NEDD4: variants seen among roughly 807,000 people sequenced by gnomAD.
The protein encoded by NEDD4 is E3 ubiquitin-protein ligase NEDD4.
NEDD4 carries 99 observed loss-of-function variants against 144.9 expected under a neutral mutation model. The ratio of observed to expected loss-of-function variants is 0.68; its 90% CI spans 0.58 to 0.81. The LOEUF is 0.81. Among genes scored for constraint, NEDD4 ranks in the 30% least tolerant of loss-of-function variants. NEDD4 has a pLI of 0.00. For missense variants in NEDD4, 985 were observed against 1,065.9 expected (o/e 0.92, Z 1.06); for synonymous variants, 318 against 350.6 (o/e 0.91, Z 1.04).
chr15:55,882,519 C>T (rs1324256248), intron 5 of NEDD4, among the ~76,000 whole-genome samples: 1 of 152,196 alleles, frequency 6.6e-6, no homozygotes, highest in Non-Finnish European at 1.5e-5. Flanking sequence ...GTGGTTGGAG[C>T]TTGAGTTCTG....
chr15:55,992,720 ATTT>A (rs1269931208), intron 1 of NEDD4, among the ~76,000 whole-genome samples: 1 of 152,238 alleles, frequency 6.6e-6, no homozygotes, highest in Non-Finnish European at 1.5e-5. Context: ...GTCGTACAAT[ATTT>A]TTAATAAGCA....
intron 18 of NEDD4, among the ~76,000 whole-genome samples, chr15:55,844,954 T>G (rs1330804772): frequency 6.6e-6 from 1 of 152,122 alleles, no homozygotes; most frequent in African/African-American, 2.4e-5. Flanking sequence ...ATTACAGGCA[T>G]GAACCACTGC....
At chr15:55,886,350 C>T (rs1331506874) in intron 5 of NEDD4, among the ~76,000 whole-genome samples, 1 of 152,156 alleles carries the variant, frequency 6.6e-6, no homozygotes, top group Non-Finnish European at 1.5e-5. Flanking sequence ...CCAAATGGAC[C>T]TAATAAATGT....
At chr15:55,930,687 G>T (rs1429609065) in intron 4 of NEDD4, among the ~76,000 whole-genome samples, 1 of 152,156 alleles carries the variant, frequency 6.6e-6, no homozygotes, top group African/African-American at 2.4e-5. Flanking sequence ...AGGGCTAGGT[G>T]GAGATAATTG....
Position 55,840,634 on chromosome 15 carries a change from C to T in NEDD4, c.1932G>A (p.Met644Ile). ...CCAACAGTTTGCCATGATAAACTGC[C>T]ATTCCAGCTACCCGACCAATAAACT... ...YFKFIGRVAG[M>I]AVYHGKLLDG... The change falls in exon 20 of 29, where the codon ATG becomes ATA. Residue 644 changes from methionine to isoleucine, a missense_variant. Met to Ile is a conservative substitution (Grantham distance 10). Coordinates refer to ENST00000435532, the MANE Select transcript of NEDD4 (RefSeq NM_006154.4). 1 of 1,614,070 alleles carries T rather than the reference C, an allele frequency of 6.2e-7. No homozygotes were observed. The highest frequency in any genetic ancestry group is 8.5e-7 in the Non-Finnish European group (1 of 1,179,984).
chr15:55,973,059 C>T (rs748379995), intron 1 of NEDD4, among the ~76,000 whole-genome samples: 17 of 152,210 alleles, frequency 1.1e-4, no homozygotes, highest in South Asian at 2.1e-4. Flanking sequence ...ATCCCACTTT[C>T]GGCACTGGAT....
intron 26 of NEDD4, among the ~76,000 whole-genome samples, chr15:55,833,591 G>A (rs772769173): frequency 5.3e-5 from 8 of 152,206 alleles, no homozygotes; most frequent in Non-Finnish European, 7.3e-5. Flanking sequence ...AACATGGGAG[G>A]TGGAGGTGGC....
chr15:55,874,492 C>G (rs1466118379), intron 5 of NEDD4, among the ~76,000 whole-genome samples: 1 of 151,880 alleles, frequency 6.6e-6, no homozygotes. Flanking sequence ...AGAAACGTCC[C>G]AGAAAAAAAG....
intron 1 of NEDD4, among the ~76,000 whole-genome samples, chr15:55,980,816 T>G (rs1435414688): frequency 4.6e-5 from 7 of 151,796 alleles, no homozygotes; most frequent in African/African-American, 1.7e-4. Context: ...GTGTGTGTGT[T>G]ACATTTTTAC....
chr15:55,835,138 CAG>C (rs1438048440), intron 24 of NEDD4, among the ~76,000 whole-genome samples: 1 of 152,192 alleles, frequency 6.6e-6, no homozygotes, highest in Admixed American at 6.5e-5. Flanking sequence ...AAGTTCTTGA[CAG>C]TGTTATGCAC....
intron 2 of NEDD4, among the ~76,000 whole-genome samples, chr15:55,955,057 G>A (rs1042230289): frequency 2.0e-5 from 3 of 149,006 alleles, no homozygotes; most frequent in Non-Finnish European, 2.9e-5. Context: ...GTCTTGCAAC[G>A]TTGCCCAGGC....
chr15:55,965,447 C>A (rs1174741955), intron 2 of NEDD4, among the ~76,000 whole-genome samples: 1 of 152,098 alleles, frequency 6.6e-6, no homozygotes, highest in Non-Finnish European at 1.5e-5. Context: ...AGCAACCTGT[C>A]TGCCTCAGTC....
intron 5 of NEDD4, among the ~76,000 whole-genome samples, chr15:55,897,640 G>A (rs1170756682): frequency 6.6e-6 from 1 of 152,164 alleles, no homozygotes; most frequent in African/African-American, 2.4e-5. Flanking sequence ...CTTACATTTA[G>A]CTTTCTGCCA....
intron 11 of NEDD4, among the ~76,000 whole-genome samples, chr15:55,859,594 G>A (rs542629211): frequency 1.1e-4 from 16 of 152,296 alleles, no homozygotes; most frequent in African/African-American, 3.9e-4. Context: ...CTATTCAGGA[G>A]GCTGAGGCAT....
At chr15:55,920,772 G>A (rs572211460) in intron 5 of NEDD4, among the ~76,000 whole-genome samples, 2 of 152,174 alleles carry the variant, frequency 1.3e-5, no homozygotes, top group Non-Finnish European at 2.9e-5. Context: ...CAGGTCATTT[G>A]TTGCTATACA....
chr15:55,993,474 A>G, intron 1 of NEDD4, 37 bp downstream of exon 1: 1 of 1,591,538 alleles, frequency 6.3e-7, no homozygotes, highest in Non-Finnish European at 8.5e-7. Flanking sequence ...GAATAACCCG[A>G]AGGGAAGCCC....
At chr15:55,915,659 T>G in intron 5 of NEDD4, 7 of 1,613,822 alleles carry the variant, frequency 4.3e-6, no homozygotes, top group Non-Finnish European at 5.9e-6. Flanking sequence ...CATTTGTTGT[T>G]TCACAGTCTA....
intron 2 of NEDD4, among the ~76,000 whole-genome samples, chr15:55,961,271 T>C (rs1266167993): frequency 6.6e-6 from 1 of 151,644 alleles, no homozygotes; most frequent in African/African-American, 2.4e-5. Flanking sequence ...AGGGCTAGAG[T>C]TTACAGCCAC....
intron 8 of NEDD4, among the ~76,000 whole-genome samples, chr15:55,865,550 A>AT (rs2034557395): frequency 1.4e-5 from 1 of 70,944 alleles, no homozygotes; most frequent in East Asian, 3.1e-4. Context: ...ACTAAATAAC[A>AT]TTAAAAAAAA....
Sources: allele counts gnomAD v4.1 joint callset (sites outside exome capture counted in the v4.1 genomes callset), GRCh38; gene constraint gnomAD v4.1.1; transcripts MANE v1.5; gene names NCBI Gene and HGNC (gene_info 2026-07-23, HGNC 2026-07-21).